ADGRV1: variants seen among roughly 807,000 people sequenced by gnomAD.
ADGRV1 encodes G-protein coupled receptor 98.
A neutral mutation model predicts 596.2 loss-of-function variants in ADGRV1; 359 were observed. The observed-to-expected ratio is 0.60, with a 90% CI of 0.55 to 0.66. The LOEUF is 0.66. ADGRV1 is among the 30% of genes least tolerant of loss of function. The pLI is 0.00. For synonymous variants in ADGRV1, 2,681 were observed against 2,679.2 expected, an observed-to-expected ratio of 1.00 and a Z score of -0.02; for missense variants, 7,274 against 7,575.6, an observed-to-expected ratio of 0.96 and a Z score of 1.48.
chr5:90,712,673 T>A (rs1749525407), intron 42 of ADGRV1, among the ~76,000 whole-genome samples: 1 of 152,138 alleles, frequency 6.6e-6, no homozygotes, highest in Non-Finnish European at 1.5e-5. Flanking sequence ...TATTATTTCC[T>A]CAGTTATTGT....
intron 60 of ADGRV1, among the ~76,000 whole-genome samples, chr5:90,775,444 A>T (rs1230525247): frequency 6.6e-6 from 1 of 152,154 alleles, no homozygotes; most frequent in Admixed American, 6.6e-5. Context: ...ACATAGAAGA[A>T]TATATGATTG....
At chr5:90,825,602 G>T (rs550846882) in intron 76 of ADGRV1, among the ~76,000 whole-genome samples, 1 of 152,300 alleles carries the variant, frequency 6.6e-6, no homozygotes, top group Middle Eastern at 3.4e-3. Context: ...TGTTAAACTT[G>T]TAATTCTAAG....
chr5:90,613,283 T>C (rs956699202), intron 1 of ADGRV1, among the ~76,000 whole-genome samples: 7 of 152,140 alleles, frequency 4.6e-5, no homozygotes, highest in African/African-American at 1.7e-4. Flanking sequence ...CATTTTGTGC[T>C]CTCTTCATTG....
intron 1 of ADGRV1, among the ~76,000 whole-genome samples, chr5:90,569,283 T>A: frequency 6.8e-6 from 1 of 146,786 alleles, no homozygotes; most frequent in African/African-American, 2.5e-5. Context: ...TCAGTATGAG[T>A]TTTGGAGAGG....
intron 41 of ADGRV1, among the ~76,000 whole-genome samples, chr5:90,711,783 A>G (rs1011609860): frequency 2.6e-5 from 4 of 151,802 alleles, no homozygotes; most frequent in Non-Finnish European, 4.4e-5. Context: ...CTCTTCCCCT[A>G]TAATTTTTTT....
chr5:90,703,662 C>T lies in ADGRV1; in HGVS notation c.8156-3C>T. The T allele has an allele frequency of 1.3e-6, 2 of 1,589,786 alleles. No homozygotes were observed. The highest frequency in any genetic ancestry group is 1.7e-4 in the Middle Eastern group (1 of 5,872). ...TTTATCAATTTACACATTTTACTTG[C>T]AGGAGAAATTTTACAATTCCATGTG... On this transcript the variant is annotated splice_region_variant and splice_polypyrimidine_tract_variant and intron_variant, in intron 34 of 89. Transcript: ENST00000405460.
chr5:90,667,944 A>G (rs1187445531), intron 21 of ADGRV1, among the ~76,000 whole-genome samples: 24 of 150,064 alleles, frequency 1.6e-4, no homozygotes, highest in South Asian at 2.1e-4. Flanking sequence ...TCAGGCACCC[A>G]CTTGAGGAGG....
intron 1 of ADGRV1, among the ~76,000 whole-genome samples, chr5:90,588,473 G>C (rs868776735): frequency 6.6e-6 from 1 of 152,194 alleles, no homozygotes; most frequent in African/African-American, 2.4e-5. Flanking sequence ...TTTGGGAGAC[G>C]GTATTTTAAA....
At chr5:90,923,369 A>G (rs1218931623) in intron 83 of ADGRV1, among the ~76,000 whole-genome samples, 4 of 152,008 alleles carry the variant, frequency 2.6e-5, no homozygotes, top group Non-Finnish European at 5.9e-5. Context: ...CAATTTAGAA[A>G]TTTTCTTTGA....
intron 18 of ADGRV1, 129 bp from the exon 19 acceptor site, chr5:90,652,217 C>T: frequency 3.8e-6 from 2 of 528,764 alleles, no homozygotes; most frequent in Non-Finnish European, 3.2e-6. Flanking sequence ...TCATAGTTTG[C>T]CTCGTAGAAC....
At chr5:90,818,353 T>C (rs1351259156) in intron 75 of ADGRV1, among the ~76,000 whole-genome samples, 1 of 150,422 alleles carries the variant, frequency 6.6e-6, no homozygotes, top group Non-Finnish European at 1.5e-5. Context: ...AATCATGTCA[T>C]CTGCAAACAG....
At chr5:90,807,354 C>T (rs1338503777) in intron 72 of ADGRV1, among the ~76,000 whole-genome samples, 1 of 152,102 alleles carries the variant, frequency 6.6e-6, no homozygotes, top group African/African-American at 2.4e-5. Context: ...CTTTTCACTA[C>T]TGGATTTTGT....
chr5:90,880,698 C>G (rs539872466), intron 83 of ADGRV1, among the ~76,000 whole-genome samples: 2 of 152,186 alleles, frequency 1.3e-5, no homozygotes, highest in Non-Finnish European at 2.9e-5. Flanking sequence ...CACCTCTCAG[C>G]TCAGCTTCTC....
At chr5:90,951,590 A>G (rs1309099502) in intron 83 of ADGRV1, among the ~76,000 whole-genome samples, 1 of 152,162 alleles carries the variant, frequency 6.6e-6, no homozygotes. Flanking sequence ...GACATGTACT[A>G]TAGTTAATAA....
intron 67 of ADGRV1, among the ~76,000 whole-genome samples, chr5:90,785,119 A>G (rs1356203618): frequency 6.6e-6 from 1 of 152,158 alleles, no homozygotes; most frequent in Non-Finnish European, 1.5e-5. Flanking sequence ...AACACCACAC[A>G]TCTACAACAA....
intron 38 of ADGRV1, among the ~76,000 whole-genome samples, chr5:90,706,717 T>C (rs1423089188): frequency 7.8e-6 from 1 of 128,978 alleles, no homozygotes; most frequent in Non-Finnish European, 1.7e-5. Flanking sequence ...TTACCTGAGT[T>C]TTTTTCTATT....
At chr5:90,841,839 T>C (rs1362103610) in intron 78 of ADGRV1, among the ~76,000 whole-genome samples, 1 of 152,204 alleles carries the variant, frequency 6.6e-6, no homozygotes, top group Non-Finnish European at 1.5e-5. Flanking sequence ...CATCCAGTGG[T>C]ATCTCTTAAA....
At chr5:90,831,299 A>AC (rs1561817675) in intron 77 of ADGRV1, among the ~76,000 whole-genome samples, 1 of 151,800 alleles carries the variant, frequency 6.6e-6, no homozygotes, top group African/African-American at 2.4e-5. Flanking sequence ...ACACACACAC[A>AC]AAAACATAAG....
At chr5:90,823,723 A>G (rs1763818043) in intron 76 of ADGRV1, 127 bp downstream of exon 76, 4 of 780,784 alleles carry the variant, frequency 5.1e-6, no homozygotes, top group South Asian at 3.8e-5. Context: ...TCTTAGCCAT[A>G]ATGTCTAAAT....
Sources: allele counts gnomAD v4.1 joint callset (sites outside exome capture counted in the v4.1 genomes callset), GRCh38; gene constraint gnomAD v4.1.1; transcripts MANE v1.5; gene names NCBI Gene and HGNC (gene_info 2026-07-23, HGNC 2026-07-21).